Variants in MED12L observed in about 807,000 individuals in gnomAD.
MED12L encodes mediator of RNA polymerase II transcription subunit 12-like protein.
MED12L carries 60 observed loss-of-function variants against 281.3 expected under a neutral mutation model. The observed-to-expected ratio is 0.21, with a 90% CI of 0.17 to 0.26. The LOEUF (loss-of-function observed/expected upper bound fraction) is 0.26, where lower values mean the gene tolerates loss of function less well. Ranked by LOEUF, MED12L falls within the 10% of genes least tolerant of loss-of-function variation. The pLI, the probability that MED12L is intolerant of heterozygous loss-of-function variation, is 1.00. For synonymous variants in MED12L, 974 were observed against 987.2 expected (o/e 0.99, Z 0.25); for missense variants, 2,146 against 2,680.9 (o/e 0.80, Z 4.41).
chr3:151,280,249 T>C (rs1173233083), intron 16 of MED12L, among the ~76,000 whole-genome samples: 1 of 152,158 alleles, frequency 6.6e-6, no homozygotes, highest in African/African-American at 2.4e-5. Flanking sequence ...GACAGTTGTG[T>C]CTGGAAGCTT....
At chr3:151,311,143 G>A (rs1485175111) in intron 16 of MED12L, among the ~76,000 whole-genome samples, 1 of 152,108 alleles carries the variant, frequency 6.6e-6, no homozygotes, top group Non-Finnish European at 1.5e-5. Flanking sequence ...ATTTCATATA[G>A]ACTGTAAACT....
At chr3:151,353,392 T>C (rs1316932081) in intron 17 of MED12L, among the ~76,000 whole-genome samples, 1 of 152,224 alleles carries the variant, frequency 6.6e-6, no homozygotes, top group Non-Finnish European at 1.5e-5. Flanking sequence ...ATTTGTACTT[T>C]TGAGAATAGA....
At chr3:151,420,827 G>A (rs1378295849) in intron 43 of MED12L, among the ~76,000 whole-genome samples, 1 of 152,170 alleles carries the variant, frequency 6.6e-6, no homozygotes, top group Non-Finnish European at 1.5e-5. Flanking sequence ...GGTGGATAAG[G>A]CATTCTGTGA....
rs570455541 is a variant in MED12L at position 151,095,726 on chromosome 3, A to C, written c.99+8701A>C. Among the ~76,000 whole-genome samples the C allele has an allele frequency of 5.3e-5, 8 of 151,858 alleles. No individual in the cohort carries two copies. In the South Asian group the frequency reaches 1.7e-3, roughly 32 times the overall value. On this transcript the variant is annotated intron_variant, in intron 2 of 44. Transcript: ENST00000687756. ...TTCCCTTGCCTGCTTCTCACTAAAA[A>C]CTTTTTTTTCTTTTTTTTTAAAGCC... is the stretch of plus-strand genomic sequence containing the variant.
At chr3:151,375,596 CG>C (rs1756740891) in intron 27 of MED12L, among the ~76,000 whole-genome samples, 1 of 151,874 alleles carries the variant, frequency 6.6e-6, no homozygotes, top group Non-Finnish European at 1.5e-5. Flanking sequence ...AAAGGAAGAT[CG>C]TTTTCTAAAT....
chr3:151,309,701 A>G (rs1747227853), intron 16 of MED12L, among the ~76,000 whole-genome samples: 1 of 152,038 alleles, frequency 6.6e-6, no homozygotes. Flanking sequence ...CAGCTGTTGT[A>G]TTCTATTTTT....
intron 5 of MED12L, among the ~76,000 whole-genome samples, chr3:151,150,041 A>G (rs1438641839): frequency 6.6e-6 from 1 of 152,202 alleles, no homozygotes; most frequent in African/African-American, 2.4e-5. Context: ...CTCCTATGGA[A>G]GTCAATATTT....
intron 16 of MED12L, among the ~76,000 whole-genome samples, chr3:151,279,333 T>A (rs1742428536): frequency 6.6e-6 from 1 of 152,258 alleles, no homozygotes; most frequent in Non-Finnish European, 1.5e-5. Flanking sequence ...GCTTATGACA[T>A]GCCCGTTACT....
chr3:151,430,986 C>G (rs1014411758), intron 44 of MED12L, among the ~76,000 whole-genome samples: 7 of 151,992 alleles, frequency 4.6e-5, no homozygotes, highest in African/African-American at 1.4e-4. Context: ...AGAGAATTTA[C>G]CAATAGCCCA....
At chr3:151,276,446 G>A (rs1225497127) in intron 16 of MED12L, among the ~76,000 whole-genome samples, 1 of 152,218 alleles carries the variant, frequency 6.6e-6, no homozygotes, top group Non-Finnish European at 1.5e-5. Flanking sequence ...TCATGATGAT[G>A]GCAGAATATG....
intron 39 of MED12L, among the ~76,000 whole-genome samples, chr3:151,395,991 A>G (rs1714915890): frequency 1.3e-5 from 2 of 152,250 alleles, no homozygotes; most frequent in South Asian, 4.2e-4. Context: ...AACCAATTGA[A>G]CTGTATGATG....
intron 2 of MED12L, among the ~76,000 whole-genome samples, chr3:151,115,327 C>CTTTTTTTTTTTTTTT (rs66728754): frequency 4.9e-5 from 3 of 60,776 alleles, no homozygotes; most frequent in South Asian, 6.6e-4. Context: ...GGAAACAATT[C>CTTTTTTTTTTTTTTT]TTTTTTTTTT....
At chr3:151,188,209 A>G (rs1723520989) in intron 12 of MED12L, 145 bp from the exon 13 acceptor site, 3 of 551,884 alleles carry the variant, frequency 5.4e-6, no homozygotes, top group South Asian at 2.8e-5. Flanking sequence ...CCTGAGGTGC[A>G]TGGTCCCTTA....
At chr3:151,342,758 A>G (rs1752031139) in intron 16 of MED12L, among the ~76,000 whole-genome samples, 1 of 152,240 alleles carries the variant, frequency 6.6e-6, no homozygotes, top group South Asian at 2.1e-4. Context: ...AAATATGACT[A>G]TTGTAAACAA....
At chr3:151,371,858 C>T (rs963890104) in intron 26 of MED12L, among the ~76,000 whole-genome samples, 2 of 152,166 alleles carry the variant, frequency 1.3e-5, no homozygotes, top group African/African-American at 4.8e-5. Context: ...TCTAGCTATT[C>T]AGACATTCTG....
chr3:151,205,721 G>T lies in MED12L; in HGVS notation c.2250+12055G>T, dbSNP rs191428445. ...GAGAAATTAAGGCCCACTCAAGCCT[G>T]CACAGTTAGACCCTAGCGTCCCAGC... On this transcript the variant is annotated intron_variant, in intron 16 of 44. Transcript: ENST00000687756. 3.3e-5 allele frequency among the ~76,000 whole-genome samples: 5 copies of T among 152,288 alleles called. No homozygotes were observed. The East Asian group carries it at 9.7e-4, about 29-fold the overall frequency.
chr3:151,342,367 T>C (rs186062478), intron 16 of MED12L, among the ~76,000 whole-genome samples: 4 of 152,328 alleles, frequency 2.6e-5, no homozygotes, highest in Non-Finnish European at 4.4e-5. Context: ...CACGTTTTGG[T>C]TTTTTCTTCT....
chr3:151,170,277 CTTTTTT>C (rs113849929), intron 11 of MED12L, among the ~76,000 whole-genome samples: 2 of 137,770 alleles, frequency 1.5e-5, no homozygotes, highest in South Asian at 4.6e-4. Context: ...TTTTCTTTTT[CTTTTTT>C]TTTTTTTTTT....
At chr3:151,237,249 A>G (rs895587751) in intron 16 of MED12L, among the ~76,000 whole-genome samples, 3 of 150,850 alleles carry the variant, frequency 2.0e-5, no homozygotes, top group African/African-American at 7.3e-5. Flanking sequence ...TGTGTTGGCC[A>G]GGCTGGTCTT....
Sources: allele counts gnomAD v4.1 joint callset (sites outside exome capture counted in the v4.1 genomes callset), GRCh38; gene constraint gnomAD v4.1.1; transcripts MANE v1.5; gene names NCBI Gene and HGNC (gene_info 2026-07-23, HGNC 2026-07-21).